SPTAN1: variants seen among roughly 807,000 people sequenced by gnomAD.
SPTAN1 encodes the protein spectrin alpha chain, non-erythrocytic 1.
A neutral mutation model predicts 331.3 loss-of-function variants in SPTAN1; 61 were observed. That is an observed-to-expected ratio of 0.18 (90% confidence interval 0.15 to 0.23). The LOEUF (loss-of-function observed/expected upper bound fraction) is 0.23, where lower values mean the gene tolerates loss of function less well. Ranked by LOEUF, SPTAN1 falls within the 10% of genes least tolerant of loss-of-function variation. SPTAN1 has a pLI of 1.00. For synonymous variants in SPTAN1, 1,153 were observed against 1,173.9 expected (o/e 0.98, Z 0.36); for missense variants, 2,043 against 3,147.9 (o/e 0.65, Z 8.40).
intron 19 of SPTAN1, 32 bp downstream of exon 19, chr9:128,585,997 A>G: frequency 6.2e-7 from 1 of 1,601,742 alleles, no homozygotes; most frequent in Non-Finnish European, 8.5e-7. Context: ...CTCACCTGCC[A>G]GGGAAGTGGA....
At chr9:128,608,745 A>C in intron 34 of SPTAN1, 129 bp from the exon 35 acceptor site, 1 of 873,450 alleles carries the variant, frequency 1.1e-6, no homozygotes, top group Admixed American at 1.7e-5. Context: ...CTAAAGTGTC[A>C]GTGTATTCTG....
rs752347538 is a variant in SPTAN1 at position 128,608,015 on chromosome 9, G to A, written c.4310G>A (p.Arg1437His). 6.9e-5 allele frequency: 111 copies of A among 1,613,982 alleles called. No individual in the cohort carries two copies. The highest frequency in any genetic ancestry group is 1.5e-4 in the Admixed American group (9 of 59,990). Residue 1437 changes from arginine (R) to histidine (H), a missense_variant, in exon 33 of 57, where the codon CGC becomes CAC. By Grantham distance (29) the Arg-to-His change is conservative (BLOSUM62 0). Coordinates refer to ENST00000372739, the MANE Select transcript of SPTAN1 (RefSeq NM_001130438.3). ...RADLEKAWVQRRMMLDQCLEL... is the reference protein window; with the variant it reads ...RADLEKAWVQHRMMLDQCLEL... ...GACCTGGAGAAGGCCTGGGTTCAGC[G>A]CAGGATGATGCTGGATCAGTGCCTT...
chr9:128,558,005 G>T (rs1417730792), intron 1 of SPTAN1, among the ~76,000 whole-genome samples: 1 of 151,736 alleles, frequency 6.6e-6, no homozygotes, highest in African/African-American at 2.4e-5. Context: ...GGGTTTCACC[G>T]TGTTAGCCAG....
rs368406599 is a variant in SPTAN1, at chr9:128,591,604, G to T, written c.3134G>T (p.Arg1045Leu). 6.2e-7 allele frequency: 1 copy of T among 1,614,146 alleles called. No individual in the cohort carries two copies. Among genetic ancestry groups the T allele is most frequent in the Non-Finnish European group, 8.5e-7 (1 of 1,180,010 alleles). ...GAGGAGCAAGGCAGCATAGCACTGC[G>T]GCAGGAGCAGATTGACAATCAGTAA... is the stretch of plus-strand genomic sequence containing the variant. ...LLEEQGSIAL[R>L]QEQIDNQTRI... Residue 1045 changes from arginine to leucine, a missense_variant, in exon 22 of 57, where the codon CGG (arginine) becomes CTG (leucine). By Grantham distance (102) the Arg-to-Leu change is moderately radical. This residue lies in a region of SPTAN1 where 1,038 missense variants were observed against 1,531.5 expected (regional missense o/e 0.68). Transcript: ENST00000372739.
intron 8 of SPTAN1, 67 bp from the exon 9 acceptor site, chr9:128,578,043 T>C: frequency 6.4e-7 from 1 of 1,569,296 alleles, no homozygotes; most frequent in South Asian, 1.1e-5. Flanking sequence ...TTCAGAGCTT[T>C]AGGGAGGCCA....
At chr9:128,576,978 T>G in intron 6 of SPTAN1, 22 bp downstream of exon 6, 1 of 1,613,998 alleles carries the variant, frequency 6.2e-7, no homozygotes, top group South Asian at 1.1e-5. Context: ...GAGTGGGCTT[T>G]GGGGAATGGG....
intron 39 of SPTAN1, among the ~76,000 whole-genome samples, 153 bp from the exon 40 acceptor site, chr9:128,613,228 T>C (rs542168540): frequency 6.6e-6 from 1 of 152,158 alleles, no homozygotes; most frequent in Admixed American, 6.6e-5. Flanking sequence ...GCAGGCTGAT[T>C]GGGGTGGCTA....
intron 1 of SPTAN1, among the ~76,000 whole-genome samples, chr9:128,557,983 T>G (rs1848847123): frequency 6.6e-6 from 1 of 152,056 alleles, no homozygotes; most frequent in Non-Finnish European, 1.5e-5. Context: ...TTTTGTATTT[T>G]TAGTAGAGAC....
At position 128,583,965 on chromosome 9, in the gene SPTAN1, A is replaced by G; in HGVS notation, c.2189A>G (p.His730Arg). Residue 730 changes from histidine to arginine, a missense_variant, in exon 16 of 57, where the codon CAC (histidine) becomes CGC (arginine). Physicochemically the swap from His to Arg is conservative, Grantham distance 29. This residue lies in a region of SPTAN1 where 1,038 missense variants were observed against 1,531.5 expected (regional missense o/e 0.68). Transcript: ENST00000372739. The stretch of plus-strand genomic sequence containing the variant: ...CTGCTAGAGGCAGATGTGGCTGCTC[A>G]CCAGGTAGTGTGAACTGGGGGCTGT... ...HALLEADVAA[H>R]QDRIDGITIQ... 1 of 1,614,172 alleles carries G rather than the reference A, an allele frequency of 6.2e-7. No individual in the cohort carries two copies. The highest frequency in any genetic ancestry group is 8.5e-7 in the Non-Finnish European group (1 of 1,180,024).
At chr9:128,628,122 G>A in intron 51 of SPTAN1, 180 bp downstream of exon 51, 1 of 837,822 alleles carries the variant, frequency 1.2e-6, no homozygotes, top group Non-Finnish European at 2.1e-6. Flanking sequence ...ATAGCCCATG[G>A]TCCCTGGTCC....
intron 22 of SPTAN1, among the ~76,000 whole-genome samples, chr9:128,592,348 T>C (rs1202852154): frequency 1.3e-5 from 2 of 151,748 alleles, no homozygotes. Context: ...GATCTTGGCT[T>C]ACTGCAACCT....
rs1373003001 is a variant in SPTAN1, at chr9:128,588,873, A to G, written c.2936A>G (p.Gln979Arg). Residue 979 changes from glutamine to arginine, a missense_variant, in exon 21 of 57, where the codon CAG (glutamine) becomes CGG (arginine). Gln to Arg is a conservative substitution (Grantham distance 43, BLOSUM62 1). This residue lies in a region of SPTAN1 where 1,038 missense variants were observed against 1,531.5 expected (regional missense o/e 0.68). Coordinates refer to ENST00000372739, the MANE Select transcript of SPTAN1 (RefSeq NM_001130438.3). ...CTGGTCTTGGCTCTCTACGACTATC[A>G]GGAGAAGAGTCCCCGAGAGGTCACC... Reference protein sequence around the residue: ...KELVLALYDYQEKSPREVTMK... With the variant: ...KELVLALYDYREKSPREVTMK... The G allele has an allele frequency of 1.9e-6, 3 of 1,614,092 alleles. No homozygotes were observed.
At chr9:128,598,736 A>G (rs936689610) in intron 25 of SPTAN1, 6 of 639,152 alleles carry the variant, frequency 9.4e-6, no homozygotes, top group African/African-American at 5.5e-5. Context: ...CCGTAAGCTC[A>G]TTAAATATTT....
At chr9:128,560,066 C>T (rs1849117605) in intron 1 of SPTAN1, among the ~76,000 whole-genome samples, 2 of 144,538 alleles carry the variant, frequency 1.4e-5, no homozygotes, top group African/African-American at 2.6e-5. Flanking sequence ...ATGATTAATA[C>T]ATCCACATCC....
At position 128,578,121 on chromosome 9, in the gene SPTAN1, T is replaced by C. The variant is rs942915357; in HGVS notation, c.1097T>C (p.Phe366Ser). The C allele has an allele frequency of 6.2e-7, 1 of 1,614,044 alleles. No individual in the cohort carries two copies. Among genetic ancestry groups the C allele is most frequent in the African/African-American group, 1.3e-5 (1 of 74,924 alleles). ...RLNDSYRLQR[F>S]LADFRDLTSW... ...TTGGTTTTCCCTAGGCTTCAACGCT[T>C]CCTTGCTGACTTCCGTGACCTCACC... Residue 366 changes from phenylalanine (F) to serine (S), a missense_variant, in exon 9 of 57, where the codon TTC (phenylalanine) becomes TCC (serine). By Grantham distance (155) the Phe-to-Ser change is radical. This residue lies in a region of SPTAN1 where 1,038 missense variants were observed against 1,531.5 expected (regional missense o/e 0.68). Coordinates refer to ENST00000372739, the MANE Select transcript of SPTAN1 (RefSeq NM_001130438.3).
chr9:128,584,514 C>A lies in SPTAN1; in HGVS notation c.2426C>A (p.Ser809Tyr). The A allele has an allele frequency of 6.2e-7, 1 of 1,614,136 alleles. No homozygotes were observed. The part of the protein sequence containing the change: ...WIREKEPIAA[S>Y]TNRGKDLIGV... Reference sequence around the variant, plus strand: ...CGAGAGAAAGAGCCCATTGCCGCATCTACCAACAGAGGTCAGTCTGCTTCC... The same window carrying A: ...CGAGAGAAAGAGCCCATTGCCGCATATACCAACAGAGGTCAGTCTGCTTCC... The change falls in exon 17 of 57, where the codon TCT becomes TAT. Residue 809 changes from serine to tyrosine, a missense_variant. By Grantham distance (144) the Ser-to-Tyr change is moderately radical. This residue lies in a region of SPTAN1 where 1,038 missense variants were observed against 1,531.5 expected (regional missense o/e 0.68). Transcript: ENST00000372739.
intron 40 of SPTAN1, among the ~76,000 whole-genome samples, chr9:128,614,588 TCAAAAAAAAAA>T (rs369311209): frequency 0.027 from 3,854 of 143,040 alleles, 78 homozygotes; most frequent in Non-Finnish European, 0.04. Flanking sequence ...AGACTACGTC[TCAAAAAAAAAA>T]CAAAAAAAAA....
Position 128,627,687 on chromosome 9 carries a change from A to G in SPTAN1, c.6689+189A>G. 1.3e-6 allele frequency: 1 copy of G among 778,706 alleles called. No homozygotes were observed. The highest frequency in any genetic ancestry group is 1.8e-5 in the Admixed American group (1 of 54,596). The allele number at this position is 778,706 out of a possible 1,614,324, so 48.2% of individuals were successfully genotyped here. On this transcript the variant is annotated intron_variant, in intron 50 of 56. Transcript: ENST00000372739. The surrounding 1 kb of genome is among the most constrained non-coding windows in gnomAD (Gnocchi z 4.9). The stretch of plus-strand genomic sequence containing the variant: ...GGGGGCATAGGTGGAGCAGCCTCTC[A>G]GTGCTGCATGTCCCAGACATCAAGT...
Position 128,625,104 on chromosome 9 carries a change from T to G in SPTAN1, c.5994T>G (p.Gly1998=). 6.2e-7 allele frequency: 1 copy of G among 1,614,042 alleles called. No individual in the cohort carries two copies. Among genetic ancestry groups the G allele is most frequent in the South Asian group, 1.1e-5 (1 of 91,076 alleles). Reference sequence around the variant, plus strand: ...TATTTTCCACACTTCGTTTTCTAGGTGAAAAGGAGAACAGCTTGAAGACAG... The same window carrying G: ...TATTTTCCACACTTCGTTTTCTAGGGGAAAAGGAGAACAGCTTGAAGACAG... ...WKADVVESWI[G]EKENSLKTDD... Residue 1998 remains glycine, a splice_region_variant and synonymous_variant, in exon 47 of 57, where the codon GGT becomes GGG. Coordinates refer to ENST00000372739, the MANE Select transcript of SPTAN1 (RefSeq NM_001130438.3). The surrounding 1 kb of genome is among the most constrained non-coding windows in gnomAD (Gnocchi z 4.1).
Sources: gnomAD v4.1 joint callset for allele counts (sites outside exome capture counted in the v4.1 genomes callset) on GRCh38, gnomAD v4.1.1 for gene constraint, gnomAD v4.1.1 regional missense constraint, Gnocchi (gnomAD v3.1) non-coding constraint, MANE v1.5 for transcripts, NCBI Gene and HGNC (gene_info 2026-07-23, HGNC 2026-07-21) for gene names.